The following ANXA4 variants were observed in gnomAD, a reference collection of about 807,000 sequenced individuals.
The protein encoded by ANXA4 is annexin A4.
ANXA4 carries 39 observed loss-of-function variants against 49.8 expected under a neutral mutation model. That is an observed-to-expected ratio of 0.78 (90% CI 0.61 to 1.02). The LOEUF (loss-of-function observed/expected upper bound fraction) is 1.02. Among genes scored for constraint, ANXA4 ranks in the 50% least tolerant of loss-of-function variants. The pLI is 0.00. For missense variants in ANXA4, 360 were observed against 410.1 expected (o/e 0.88, Z 1.05); for synonymous variants, 134 against 152.5 (o/e 0.88, Z 0.89).
chr2:69,647,388 T>TTTTATTTATTTATTTATTTA (rs199943902), intron 1 of ANXA4, among the ~76,000 whole-genome samples: 1 of 145,948 alleles, frequency 6.9e-6, no homozygotes, highest in African/African-American at 2.5e-5. Flanking sequence ...TTTATTTTTA[T>TTTTATTTATTTATTTATTTA]TTTATTTATT....
intron 1 of ANXA4, among the ~76,000 whole-genome samples, chr2:69,773,967 G>A (rs1040416120): frequency 1.3e-5 from 2 of 151,942 alleles, no homozygotes; most frequent in South Asian, 2.1e-4. Context: ...CTAGTAGCTG[G>A]GATTACAGGC....
chr2:69,699,067 G>T (rs1678251000), intron 2 of ANXA4, among the ~76,000 whole-genome samples: 1 of 152,194 alleles, frequency 6.6e-6, no homozygotes, highest in Non-Finnish European at 1.5e-5. Flanking sequence ...GACAACTGAA[G>T]ATATGAATCA....
chr2:69,699,127 G>C (rs1678252995), intron 2 of ANXA4, among the ~76,000 whole-genome samples: 1 of 152,196 alleles, frequency 6.6e-6, no homozygotes, highest in African/African-American at 2.4e-5. Context: ...AGCACTGGCA[G>C]TGGGAGTGTG....
At chr2:69,767,975 T>C (rs1671562224) in intron 1 of ANXA4, among the ~76,000 whole-genome samples, 1 of 152,000 alleles carries the variant, frequency 6.6e-6, no homozygotes, top group Non-Finnish European at 1.5e-5. Flanking sequence ...TATATACATA[T>C]GTACACATAT....
In ANXA4 at chr2:69,826,232, C is replaced by T. The variant is rs757299155; in HGVS notation, c.*717C>T. On this transcript the variant is annotated 3_prime_UTR_variant, in exon 13 of 13. Transcript: ENST00000394295. ...CATTCCATATTATTATAGTTAATGTCTTAATCCAGCTTGCAAGTGAATGGA... is the reference window on the plus strand; with the variant it reads ...CATTCCATATTATTATAGTTAATGTTTTAATCCAGCTTGCAAGTGAATGGA... 2.6e-5 allele frequency: 4 copies of T among 152,514 alleles called. No individual in the cohort carries two copies. Among genetic ancestry groups the T allele is most frequent in the African/African-American group, 7.3e-5 (3 of 41,376 alleles). 9.4% of individuals were successfully genotyped at this position (152,514 alleles called of 1,614,324 possible).
intron 8 of ANXA4, among the ~76,000 whole-genome samples, chr2:69,813,943 A>G (rs945398211): frequency 5.3e-5 from 8 of 151,436 alleles, no homozygotes; most frequent in African/African-American, 1.9e-4. Flanking sequence ...TTTTTAATAG[A>G]GATAGGGTTT....
At chr2:69,733,065 A>C (rs982825733) in intron 3 of ANXA4, among the ~76,000 whole-genome samples, 4 of 152,232 alleles carry the variant, frequency 2.6e-5, no homozygotes, top group African/African-American at 9.6e-5. Context: ...TTTAGTAGAC[A>C]ACTGAAAAAA....
At chr2:69,691,242 G>A (rs1001480081) in intron 2 of ANXA4, among the ~76,000 whole-genome samples, 1 of 151,728 alleles carries the variant, frequency 6.6e-6, no homozygotes, top group Admixed American at 6.6e-5. Flanking sequence ...TCCTGCCTCA[G>A]CCTCTCAAGT....
chr2:69,777,769 A>G (rs1190334146), intron 1 of ANXA4, among the ~76,000 whole-genome samples: 2 of 152,120 alleles, frequency 1.3e-5, no homozygotes, highest in Admixed American at 1.3e-4. Context: ...CCTTCCCTTC[A>G]TTCAGGTCTT....
upstream of ANXA4, among the ~76,000 whole-genome samples, chr2:69,740,899 C>T (rs1412329842): frequency 4.8e-5 from 7 of 145,142 alleles, no homozygotes; most frequent in Non-Finnish European, 1.1e-4. Flanking sequence ...ACCACATTGG[C>T]CAGGCTTATC....
intron 3 of ANXA4, among the ~76,000 whole-genome samples, chr2:69,795,753 C>T (rs1672916234): frequency 6.6e-6 from 1 of 152,152 alleles, no homozygotes; most frequent in African/African-American, 2.4e-5. Context: ...TGTCCTGGGG[C>T]CATGAGGATG....
chr2:69,750,578 AATTTTTTGT>A (rs1432670077), intron 1 of ANXA4, among the ~76,000 whole-genome samples: 1 of 152,076 alleles, frequency 6.6e-6, no homozygotes, highest in Non-Finnish European at 1.5e-5. Flanking sequence ...ACACCCAGCT[AATTTTTTGT>A]ATTTTTTGTA....
intron 1 of ANXA4, among the ~76,000 whole-genome samples, chr2:69,766,316 T>C (rs1050533884): frequency 6.6e-6 from 1 of 152,238 alleles, no homozygotes. Flanking sequence ...ATAGCTAACA[T>C]CTGTTGAGTA....
At chr2:69,756,119 G>C (rs577815578) in intron 1 of ANXA4, among the ~76,000 whole-genome samples, 1 of 152,342 alleles carries the variant, frequency 6.6e-6, no homozygotes, top group Non-Finnish European at 1.5e-5. Flanking sequence ...CCTTTCCTTG[G>C]AGAGCTGGCT....
intron 3 of ANXA4, among the ~76,000 whole-genome samples, chr2:69,721,185 C>T (rs1051854543): frequency 2.6e-5 from 4 of 152,206 alleles, no homozygotes; most frequent in African/African-American, 9.7e-5. Flanking sequence ...TTTGTCAGTT[C>T]CCACCACTGC....
chr2:69,751,507 C>CAAAAAAAAAAAAAAAAAAAAAAAAAAA (rs71397349), intron 1 of ANXA4, among the ~76,000 whole-genome samples: 1 of 96,878 alleles, frequency 1.0e-5, no homozygotes, highest in African/African-American at 3.7e-5. Context: ...GACCCTGTCT[C>CAAAAAAAAAAAAAAAAAAAAAAAAAAA]AAAAAAAAAA....
chr2:69,660,777 A>G (rs956834247), intron 2 of ANXA4, among the ~76,000 whole-genome samples: 42 of 148,554 alleles, frequency 2.8e-4, no homozygotes, highest in East Asian at 4.0e-4. Context: ...GGAGGGAGGG[A>G]GAGAGAGAGA....
At chr2:69,687,714 A>G (rs990480850) in intron 2 of ANXA4, among the ~76,000 whole-genome samples, 1 of 152,022 alleles carries the variant, frequency 6.6e-6, no homozygotes, top group Non-Finnish European at 1.5e-5. Context: ...TGACTACCTG[A>G]TTTTTGATCC....
At chr2:69,680,714 G>T (rs1677566714) in intron 2 of ANXA4, among the ~76,000 whole-genome samples, 1 of 152,130 alleles carries the variant, frequency 6.6e-6, no homozygotes, top group Non-Finnish European at 1.5e-5. Flanking sequence ...TACCATGAAG[G>T]TATGTTGAAT....
Sources: allele counts gnomAD v4.1 joint callset (sites outside exome capture counted in the v4.1 genomes callset), GRCh38; gene constraint gnomAD v4.1.1; transcripts MANE v1.5; gene names NCBI Gene and HGNC (gene_info 2026-07-23, HGNC 2026-07-21).